Variants in CLIC6 observed in about 807,000 individuals in gnomAD.
CLIC6 encodes CLIC family member 6.
CLIC6 carries 39 observed loss-of-function variants against 49.2 expected under a neutral mutation model. That is an observed-to-expected ratio of 0.79 (90% CI 0.61 to 1.04). The LOEUF (loss-of-function observed/expected upper bound fraction) is 1.04. Ranked by LOEUF, CLIC6 falls within the 50% of genes least tolerant of loss-of-function variation. The pLI, the probability that CLIC6 is intolerant of heterozygous loss-of-function variation, is 0.00. For missense variants in CLIC6, 988 were observed against 993.1 expected, an observed-to-expected ratio of 0.99 and a Z score of 0.07; for synonymous variants, 446 against 433.4, an observed-to-expected ratio of 1.03 and a Z score of -0.36.
At chr21:34,707,572 AG>A (rs940871063) in intron 2 of CLIC6, among the ~76,000 whole-genome samples, 183 bp downstream of exon 2, 2 of 152,006 alleles carry the variant, frequency 1.3e-5, no homozygotes, top group African/African-American at 4.8e-5. Flanking sequence ...GCTGGGCTGG[AG>A]TCAGGAAGGA....
In CLIC6 at chr21:34,669,746, G is replaced by A. The variant is rs912132988; in HGVS notation, c.358G>A (p.Glu120Lys). 8.6e-6 allele frequency: 12 copies of A among 1,393,078 alleles called. No homozygotes were observed. In the African/African-American group the frequency reaches 1.7e-4, roughly 20 times the overall value. 86.3% of individuals were successfully genotyped at this position (1,393,078 alleles called of 1,614,324 possible). A position where few individuals can be genotyped will look rare whatever the true frequency, so the allele number is the denominator to read the frequency against. Residue 120 changes from glutamate (E) to lysine (K), a missense_variant, in exon 1 of 6, where the codon GAG becomes AAG. Transcript: ENST00000349499. ...GASPGRGAQG[E>K]PRGEAQREPE... ...GAGCCCGGGACGCGGCGCGCAGGGCGAGCCCCGCGGGGAGGCTCAGAGGGA... is the reference window on the plus strand; with the variant it reads ...GAGCCCGGGACGCGGCGCGCAGGGCAAGCCCCGCGGGGAGGCTCAGAGGGA...
intron 3 of CLIC6, 24 bp from the exon 4 acceptor site, chr21:34,708,676 T>G (rs2056033627): frequency 6.7e-7 from 1 of 1,494,802 alleles, no homozygotes; most frequent in African/African-American, 1.4e-5. Context: ...TTGTCTGTGA[T>G]CCTCCAATTT....
intron 1 of CLIC6, among the ~76,000 whole-genome samples, chr21:34,699,151 C>G (rs879931619): frequency 6.6e-6 from 1 of 152,188 alleles, no homozygotes; most frequent in Non-Finnish European, 1.5e-5. Context: ...ATGTCTTACA[C>G]GATTTTAAGA....
intron 1 of CLIC6, among the ~76,000 whole-genome samples, chr21:34,703,304 A>T (rs758917599): frequency 8.5e-5 from 13 of 152,202 alleles, no homozygotes; most frequent in Non-Finnish European, 1.5e-4. Flanking sequence ...CGTGTTCACC[A>T]TGTAAGCCCA....
chr21:34,669,271 C>T lies in CLIC6; in HGVS notation c.-118C>T. 1.2e-6 allele frequency: 1 copy of T among 867,376 alleles called. No homozygotes were observed. The highest frequency in any genetic ancestry group is 1.5e-6 in the Non-Finnish European group (1 of 655,696). 53.7% of individuals were successfully genotyped at this position (867,376 alleles called of 1,614,324 possible). A position where few individuals can be genotyped will look rare whatever the true frequency, so the allele number is the denominator to read the frequency against. Reference sequence around the variant, plus strand: ...CGGCTAAACCTTTGCCGCAGGATCCCGGAGCCGGCGTCCTTCAAGGAGCAC... The same window carrying T: ...CGGCTAAACCTTTGCCGCAGGATCCTGGAGCCGGCGTCCTTCAAGGAGCAC... On this transcript the variant is annotated 5_prime_UTR_variant, in exon 1 of 6. Transcript: ENST00000349499.
At chr21:34,714,703 A>G (rs939835937) in intron 5 of CLIC6, among the ~76,000 whole-genome samples, 1 of 151,550 alleles carries the variant, frequency 6.6e-6, no homozygotes, top group Admixed American at 6.5e-5. Flanking sequence ...AAAAAAAAAA[A>G]AAAAAAACTT....
At chr21:34,710,919 T>C (rs58668017) in intron 5 of CLIC6, among the ~76,000 whole-genome samples, 17,534 of 152,232 alleles carry the variant, frequency 0.12, 1,492 homozygotes, top group African/African-American at 0.23. Context: ...GAGTGACCCC[T>C]GGAGCTCCAA....
chr21:34,678,211 C>A, intron 1 of CLIC6, among the ~76,000 whole-genome samples: 1 of 150,850 alleles, frequency 6.6e-6, no homozygotes, highest in Non-Finnish European at 1.5e-5. Flanking sequence ...GCGGGCAGAT[C>A]ACGAGGTCAG....
chr21:34,701,470 G>A (rs1179082670), intron 1 of CLIC6, among the ~76,000 whole-genome samples: 5 of 152,182 alleles, frequency 3.3e-5, no homozygotes, highest in Non-Finnish European at 7.3e-5. Flanking sequence ...TGATGTTGAT[G>A]ATGATAATGA....
chr21:34,696,555 A>T (rs752456136), intron 1 of CLIC6, among the ~76,000 whole-genome samples: 2 of 152,190 alleles, frequency 1.3e-5, no homozygotes, highest in South Asian at 2.1e-4. Flanking sequence ...ACCTTGGACA[A>T]GTTTCTCTAC....
In CLIC6 at chr21:34,716,472, G is replaced by C. The variant is rs1260821089; in HGVS notation, c.2051G>C (p.Arg684Thr). The C allele has an allele frequency of 6.2e-7, 1 of 1,609,252 alleles. No individual in the cohort carries two copies. The highest frequency in any genetic ancestry group is 1.3e-5 in the African/African-American group (1 of 74,734). The change falls in exon 6 of 6, where the codon AGA becomes ACA. Residue 684 changes from arginine to threonine, a missense_variant. This residue lies in a region of CLIC6 where 647 missense variants were observed against 596.9 expected (regional missense o/e 1.08). Transcript: ENST00000349499. ...CACGCATATTCAGATGTTGCAAAAA[G>C]AATGAAATGAAGCTGGGCTGTTTTC... ...IEHAYSDVAK[R>T]MK
Position 34,669,769 on chromosome 21 carries a change from G to T in CLIC6, c.381G>T (p.Arg127Ser). The change falls in exon 1 of 6, where the codon AGG becomes AGT. Residue 127 changes from arginine (R) to serine (S), a missense_variant. Transcript: ENST00000349499. ...AQGEPRGEAQ[R>S]EPEDSAAPER... The stretch of plus-strand genomic sequence containing the variant: ...GCGAGCCCCGCGGGGAGGCTCAGAG[G>T]GAGCCCGAGGACTCTGCGGCCCCCG... The T allele has an allele frequency of 7.1e-7, 1 of 1,415,770 alleles. No homozygotes were observed. Among genetic ancestry groups the T allele is most frequent in the East Asian group, 3.0e-5 (1 of 33,860 alleles). 87.7% of individuals were successfully genotyped at this position (1,415,770 alleles called of 1,614,324 possible).
At chr21:34,705,746 C>T (rs911663342) in intron 1 of CLIC6, among the ~76,000 whole-genome samples, 5 of 152,188 alleles carry the variant, frequency 3.3e-5, no homozygotes, top group Non-Finnish European at 7.3e-5. Context: ...AAAGTGATAT[C>T]ATCCTGCAAG....
In CLIC6 at chr21:34,707,974, C is replaced by T. The variant is rs141707884; in HGVS notation, c.1515C>T (p.Pro505=). 344 of 1,614,070 alleles carry T rather than the reference C, an allele frequency of 2.1e-4. No individual in the cohort carries two copies. Among genetic ancestry groups the T allele is most frequent in the Non-Finnish European group, 2.7e-4 (324 of 1,179,996 alleles). The change falls in exon 3 of 6, where the codon CCC becomes CCT. Residue 505 remains proline, a synonymous_variant. Transcript: ENST00000349499. ...CCGCAGACCTGCAGAACCTGGCTCCCGGAACAAACCCTCCTTTCATGACTT... is the reference window on the plus strand; with the variant it reads ...CCGCAGACCTGCAGAACCTGGCTCCTGGAACAAACCCTCCTTTCATGACTT... The part of the protein sequence containing the change: ...RKPADLQNLA[P]GTNPPFMTFD...
chr21:34,696,643 T>G (rs961244594), intron 1 of CLIC6, among the ~76,000 whole-genome samples: 2 of 152,252 alleles, frequency 1.3e-5, no homozygotes, highest in Non-Finnish European at 2.9e-5. Context: ...GGATTAAATC[T>G]GAGTTGATAC....
At chr21:34,694,792 G>T (rs1410961527) in intron 1 of CLIC6, among the ~76,000 whole-genome samples, 1 of 152,188 alleles carries the variant, frequency 6.6e-6, no homozygotes. Flanking sequence ...TTGGTGCAGG[G>T]ATTCTCACTT....
At chr21:34,710,217 G>A (rs1224874253) in intron 5 of CLIC6, among the ~76,000 whole-genome samples, 2 of 152,268 alleles carry the variant, frequency 1.3e-5, no homozygotes, top group Non-Finnish European at 2.9e-5. Flanking sequence ...ACCTGAGGCT[G>A]CAGCAAGTTA....
At chr21:34,709,674 G>C in intron 5 of CLIC6, 136 bp downstream of exon 5, 2 of 773,070 alleles carry the variant, frequency 2.6e-6, no homozygotes, top group Admixed American at 2.9e-5. Context: ...AGTTCTGTTC[G>C]GGGCAGCCAA....
At chr21:34,679,684 T>C (rs1400250830) in intron 1 of CLIC6, among the ~76,000 whole-genome samples, 1 of 151,934 alleles carries the variant, frequency 6.6e-6, no homozygotes, top group East Asian at 1.9e-4. Flanking sequence ...CCACTCCAAG[T>C]GGGAGAAGTT....
Sources: allele counts gnomAD v4.1 joint callset (sites outside exome capture counted in the v4.1 genomes callset), GRCh38; gene constraint gnomAD v4.1.1; regional missense constraint gnomAD v4.1.1; transcripts MANE v1.5; gene names NCBI Gene and HGNC (gene_info 2026-07-23, HGNC 2026-07-21).